The following PPP2R3A variants were observed in gnomAD, a reference collection of about 807,000 sequenced individuals.
The protein encoded by PPP2R3A is serine/threonine-protein phosphatase 2A regulatory subunit B'' subunit alpha.
Under a neutral mutation model 106.9 loss-of-function variants are expected in PPP2R3A, and 80 were observed. The ratio of observed to expected loss-of-function variants is 0.75; its 90% CI spans 0.62 to 0.90. The LOEUF is 0.90. Among genes scored for constraint, PPP2R3A ranks in the 40% least tolerant of loss-of-function variants. The probability of loss-of-function intolerance (pLI) is 0.00; values close to 1 mark genes in which losing one functional copy is unlikely to be tolerated. For synonymous variants in PPP2R3A, 483 were observed against 468.3 expected, an observed-to-expected ratio of 1.03 and a Z score of -0.41; for missense variants, 1,386 against 1,350.4, an observed-to-expected ratio of 1.03 and a Z score of -0.41.
intron 5 of PPP2R3A, among the ~76,000 whole-genome samples, chr3:136,067,558 G>T (rs61209689): frequency 0.012 from 1,866 of 152,288 alleles, 32 homozygotes; most frequent in African/African-American, 0.042. Context: ...GAATTCTCTG[G>T]ACAGAGTACC....
rs908975178 is a variant in PPP2R3A at position 135,985,399 on chromosome 3, CCTCTCTCT to C, written c.-440-15656_-440-15649del. Among the ~76,000 whole-genome samples the C allele has an allele frequency of 3.7e-4, 46 of 125,854 alleles. No individual in the cohort carries two copies. In the Middle Eastern group the frequency reaches 0.02, roughly 55 times the overall value. The allele number at this position is 125,854 out of a possible 152,430, so 82.6% of individuals were successfully genotyped here. On this transcript the variant is annotated intron_variant, in intron 1 of 13. Transcript: ENST00000264977. ...TCCTCTCTCCCTCTCTCCCTCTCTC[CCTCTCTCT>C]CTCGCTCTCTCTGTCTCTCTCTCTC...
intron 6 of PPP2R3A, among the ~76,000 whole-genome samples, chr3:136,073,251 G>A (rs1002264232): frequency 6.6e-6 from 1 of 152,206 alleles, no homozygotes; most frequent in African/African-American, 2.4e-5. Context: ...ACAGGCATGA[G>A]CCACCGCACC....
chr3:136,147,790 A>G lies in PPP2R3A; in HGVS notation c.*2624A>G, dbSNP rs910415764. 6.6e-6 allele frequency: 1 copy of G among 152,232 alleles called. No homozygotes were observed. The highest frequency in any genetic ancestry group is 2.4e-5 in the African/African-American group (1 of 41,472). 9.4% of individuals were successfully genotyped at this position (152,232 alleles called of 1,614,324 possible). A position where few individuals can be genotyped will look rare whatever the true frequency, so the allele number is the denominator to read the frequency against. On this transcript the variant is annotated 3_prime_UTR_variant, in exon 14 of 14. Coordinates refer to ENST00000264977, the MANE Select transcript of PPP2R3A (RefSeq NM_002718.5). ...TGTTTATAAAACTCTAGATTCATCA[A>G]ATGAGATTTGCTCAGCTTTTTGAAA...
At chr3:136,049,187 A>G in intron 4 of PPP2R3A, 72 bp from the exon 5 acceptor site, 2 of 1,119,676 alleles carry the variant, frequency 1.8e-6, no homozygotes, top group Non-Finnish European at 2.6e-6. Flanking sequence ...AACTGAAATT[A>G]CTAACTATTG....
chr3:136,132,185 TTCCTGAGATCAAGA>T (rs1242044933), intron 13 of PPP2R3A, among the ~76,000 whole-genome samples: 1 of 152,114 alleles, frequency 6.6e-6, no homozygotes, highest in Non-Finnish European at 1.5e-5. Context: ...GAATGCCTTT[TTCCTGAGATCAAGA>T]ACCAGGCAAG....
intron 13 of PPP2R3A, among the ~76,000 whole-genome samples, chr3:136,110,514 T>G (rs1937577983): frequency 6.6e-6 from 1 of 152,282 alleles, no homozygotes; most frequent in East Asian, 1.9e-4. Flanking sequence ...AATAATAGCT[T>G]AATAATTCCG....
At chr3:135,966,832 T>C (rs1395198079) in intron 1 of PPP2R3A, among the ~76,000 whole-genome samples, 1 of 152,016 alleles carries the variant, frequency 6.6e-6, no homozygotes, top group Non-Finnish European at 1.5e-5. Context: ...GTACAAAACA[T>C]CCCCCACACC....
rs200164477 is a variant in PPP2R3A, at chr3:136,040,900, G to T, written c.2304G>T (p.Arg768Ser). ...CPLYWKAPMF[R>S]AAGGEKTGFV... ...TCTATTGGAAAGCCCCCATGTTCAG[G>T]GCTGCAGGGGGAGAGAAGACAGGAT... The change falls in exon 4 of 14, where the codon AGG becomes AGT. Residue 768 changes from arginine to serine, a missense_variant. Physicochemically the swap from Arg to Ser is moderately radical, Grantham distance 110 (BLOSUM62 -1). Transcript: ENST00000264977. 4 of 1,613,540 alleles carry T rather than the reference G, an allele frequency of 2.5e-6. No homozygotes were observed. The highest frequency in any genetic ancestry group is 3.4e-6 in the Non-Finnish European group (4 of 1,179,800).
intron 13 of PPP2R3A, 128 bp from the exon 14 acceptor site, chr3:136,144,915 T>C (rs917410984): frequency 1.4e-5 from 14 of 987,034 alleles, no homozygotes; most frequent in Admixed American, 5.7e-5. Context: ...GTTGAGTTGC[T>C]CACGGCCTCC....
chr3:136,073,644 A>C (rs1936509943), intron 6 of PPP2R3A, among the ~76,000 whole-genome samples: 1 of 152,258 alleles, frequency 6.6e-6, no homozygotes, highest in Non-Finnish European at 1.5e-5. Flanking sequence ...ATTTCACGTG[A>C]ATATGTACTG....
intron 3 of PPP2R3A, among the ~76,000 whole-genome samples, chr3:136,039,609 T>A (rs1576454211): frequency 6.6e-6 from 1 of 152,258 alleles, no homozygotes; most frequent in East Asian, 1.9e-4. Context: ...AATCTGATGC[T>A]GCCACTGATC....
At chr3:136,039,455 C>T (rs942475221) in intron 3 of PPP2R3A, among the ~76,000 whole-genome samples, 1 of 152,114 alleles carries the variant, frequency 6.6e-6, no homozygotes, top group African/African-American at 2.4e-5. Flanking sequence ...TTGTGGAAGA[C>T]AGTTTTTCCA....
At chr3:136,088,774 T>C (rs1937022339) in intron 9 of PPP2R3A, among the ~76,000 whole-genome samples, 1 of 152,232 alleles carries the variant, frequency 6.6e-6, no homozygotes, top group African/African-American at 2.4e-5. Flanking sequence ...GACGTTTTAG[T>C]AGTTGACATT....
intron 10 of PPP2R3A, among the ~76,000 whole-genome samples, chr3:136,096,967 T>TCA (rs138912287): frequency 0.025 from 3,851 of 152,244 alleles, 173 homozygotes; most frequent in African/African-American, 0.088. Flanking sequence ...AGACTTTGTC[T>TCA]CACACACACA....
intron 3 of PPP2R3A, among the ~76,000 whole-genome samples, chr3:136,030,088 T>C (rs1401255340): frequency 6.6e-6 from 1 of 152,028 alleles, no homozygotes; most frequent in Admixed American, 6.6e-5. Flanking sequence ...TGTAGTGACA[T>C]GTGCCTGTGG....
chr3:136,099,839 C>T (rs1412142825), intron 10 of PPP2R3A, among the ~76,000 whole-genome samples: 1 of 150,896 alleles, frequency 6.6e-6, no homozygotes, highest in African/African-American at 2.4e-5. Flanking sequence ...TGATTAGCCA[C>T]ATTTCAGATG....
chr3:136,066,490 G>A (rs1936265339), intron 5 of PPP2R3A, among the ~76,000 whole-genome samples: 1 of 152,154 alleles, frequency 6.6e-6, no homozygotes, highest in Non-Finnish European at 1.5e-5. Flanking sequence ...TTGCATTGCT[G>A]TAAAGAAATA....
rs954036387 is a variant in PPP2R3A at position 136,146,923 on chromosome 3, T to G, written c.*1757T>G. 6.6e-6 allele frequency: 1 copy of G among 152,038 alleles called. No individual in the cohort carries two copies. Among genetic ancestry groups the G allele is most frequent in the African/African-American group, 2.4e-5 (1 of 41,418 alleles). The allele number at this position is 152,038 out of a possible 1,614,324, so 9.4% of individuals were successfully genotyped here. On this transcript the variant is annotated 3_prime_UTR_variant, in exon 14 of 14. Transcript: ENST00000264977. ...CAGATATGGTTTAAATGTTTTATTA[T>G]CCATAATGATCTAAACTAATAAGAT... is the stretch of plus-strand genomic sequence containing the variant.
chr3:135,984,040 C>T (rs1159401571), intron 1 of PPP2R3A, among the ~76,000 whole-genome samples: 1 of 152,090 alleles, frequency 6.6e-6, no homozygotes, highest in African/African-American at 2.4e-5. Context: ...AGAAATCCAC[C>T]TTTTTGTTCA....
Sources: allele counts gnomAD v4.1 joint callset (sites outside exome capture counted in the v4.1 genomes callset), GRCh38; gene constraint gnomAD v4.1.1; transcripts MANE v1.5; gene names NCBI Gene and HGNC (gene_info 2026-07-23, HGNC 2026-07-21).